HOPX: variants seen among roughly 807,000 people sequenced by gnomAD.
HOPX encodes the protein homeodomain-only protein.
HOPX carries 5 observed loss-of-function variants against 11.8 expected under a neutral mutation model. The ratio of observed to expected loss-of-function variants is 0.43; its 90% confidence interval spans 0.22 to 0.89. The LOEUF is 0.89. Among genes scored for constraint, HOPX ranks in the 40% least tolerant of loss-of-function variants. The pLI, the probability that HOPX is intolerant of heterozygous loss-of-function variation, is 0.28. For synonymous variants in HOPX, 49 were observed against 49.7 expected, an observed-to-expected ratio of 0.99 and a Z score of 0.06; for missense variants, 119 against 120.0, an observed-to-expected ratio of 0.99 and a Z score of 0.04.
intron 1 of HOPX, among the ~76,000 whole-genome samples, chr4:56,666,259 C>T (rs1020933365): frequency 2.6e-5 from 4 of 152,170 alleles, no homozygotes; most frequent in South Asian, 2.1e-4. Context: ...AAACAAGAAA[C>T]GTTACAGCAT....
chr4:56,671,715 C>T (rs946978414), intron 1 of HOPX, among the ~76,000 whole-genome samples: 3 of 152,046 alleles, frequency 2.0e-5, no homozygotes, highest in African/African-American at 7.3e-5. Context: ...GACAGATACA[C>T]CAGAATGTCC....
At position 56,656,329 on chromosome 4, in the gene HOPX, C is replaced by T. The variant is rs865796202; in HGVS notation, c.43-317G>A. 66 of 1,069,476 alleles carry T rather than the reference C, an allele frequency of 6.2e-5. No homozygotes were observed. In the African/African-American group the frequency reaches 1.0e-3, roughly 16 times the overall value. The allele number at this position is 1,069,476 out of a possible 1,614,324, so 66.2% of individuals were successfully genotyped here. ...GACGGGGGCGAGATAGATGATTCCGCGGGCCCTCACCGACCTCCGGCTCTA... is the reference window on the plus strand; with the variant it reads ...GACGGGGGCGAGATAGATGATTCCGTGGGCCCTCACCGACCTCCGGCTCTA... On this transcript the variant is annotated intron_variant, in intron 2 of 3. Coordinates refer to ENST00000420433, the MANE Select transcript of HOPX (RefSeq NM_032495.6).
chr4:56,670,946 G>A (rs1191858969), intron 1 of HOPX, among the ~76,000 whole-genome samples: 2 of 151,306 alleles, frequency 1.3e-5, no homozygotes, highest in South Asian at 2.1e-4. Flanking sequence ...GCAATGAGCC[G>A]AGATTGTGCC....
At chr4:56,664,907 C>T (rs1254539797) in intron 1 of HOPX, 6 of 152,128 alleles carry the variant, frequency 3.9e-5, no homozygotes, top group Non-Finnish European at 8.8e-5. Context: ...ATTGGTGAGT[C>T]ACTTTTTTGA....
intron 1 of HOPX, among the ~76,000 whole-genome samples, chr4:56,667,065 T>C (rs1175733030): frequency 1.3e-5 from 2 of 152,332 alleles, no homozygotes; most frequent in African/African-American, 4.8e-5. Flanking sequence ...CAAGGAACTG[T>C]TGAGGACTGT....
chr4:56,651,327 G>A (rs111602951), intron 3 of HOPX: 1,828 of 152,924 alleles, frequency 0.012, 21 homozygotes, highest in Non-Finnish European at 0.019. Context: ...TTGAAGATGC[G>A]TATTTTAAAT....
At chr4:56,665,704 A>G (rs951197872) in intron 1 of HOPX, 1 of 152,188 alleles carries the variant, frequency 6.6e-6, no homozygotes, top group Non-Finnish European at 1.5e-5. Context: ...TCACTTTATC[A>G]TCAGAGGAGC....
At chr4:56,650,965 G>A (rs564596319) in intron 3 of HOPX, 1 of 663,236 alleles carries the variant, frequency 1.5e-6, no homozygotes, top group Non-Finnish European at 2.4e-6. Context: ...TTTCATTAAT[G>A]AGGTAGCTCT....
chr4:56,673,266 G>A (rs1300709228), intron 1 of HOPX, among the ~76,000 whole-genome samples: 1 of 152,100 alleles, frequency 6.6e-6, no homozygotes, highest in African/African-American at 2.4e-5. Flanking sequence ...ATAGTGTTCA[G>A]TGAAAAGAAA....
intron 1 of HOPX, among the ~76,000 whole-genome samples, chr4:56,670,447 G>A (rs1578357111): frequency 6.6e-6 from 1 of 152,066 alleles, no homozygotes; most frequent in Middle Eastern, 3.2e-3. Context: ...ATAACAAAAG[G>A]ATCAACTTTC....
In HOPX at chr4:56,655,884, C is replaced by T. The variant is rs1372217431; in HGVS notation, c.171G>A (p.Glu57=). ...GGGTCTCCTCCTCGGAAAGGCCTGC[C>T]TCGGCCGCGATGAGGCACAGCGTGG... ...DSTTLCLIAA[E]AGLSEEETQK... is the part of the protein sequence containing the mutation. Residue 57 remains glutamate (E), a synonymous_variant, in exon 3 of 4, where the codon GAG becomes GAA. Transcript: ENST00000420433. 2.5e-6 allele frequency: 4 copies of T among 1,611,776 alleles called. No individual in the cohort carries two copies. Among genetic ancestry groups the T allele is most frequent in the Non-Finnish European group, 3.4e-6 (4 of 1,179,104 alleles).
intron 1 of HOPX, chr4:56,663,509 A>T (rs1213637568): frequency 6.6e-6 from 1 of 152,130 alleles, no homozygotes; most frequent in African/African-American, 2.4e-5. Context: ...GTTTTTAGAC[A>T]GAGTCTCGCA....
intron 1 of HOPX, chr4:56,663,201 A>T (rs76871011): frequency 6.6e-6 from 1 of 152,320 alleles, no homozygotes; most frequent in African/African-American, 2.4e-5. Context: ...AGGTACAAGC[A>T]GAACCACTTG....
At chr4:56,681,626 C>A, upstream of HOPX, 2 of 999,786 alleles carry the variant, frequency 2.0e-6, no homozygotes, top group Non-Finnish European at 2.4e-6. Context: ...GAAAAGGGAC[C>A]CTGAGTCTTC....
At chr4:56,655,189 A>G (rs983331611) in intron 3 of HOPX, among the ~76,000 whole-genome samples, 36 of 152,348 alleles carry the variant, frequency 2.4e-4, no homozygotes, top group African/African-American at 8.7e-4. Flanking sequence ...AAACGCCAGG[A>G]AAAACCTCTA....
intron 3 of HOPX, among the ~76,000 whole-genome samples, chr4:56,651,954 A>AG: frequency 6.6e-6 from 1 of 151,690 alleles, no homozygotes; most frequent in Middle Eastern, 3.4e-3. Context: ...CCAACCTCCC[A>AG]CGGGGCTGAG....
At chr4:56,653,487 T>C (rs1425792220) in intron 3 of HOPX, among the ~76,000 whole-genome samples, 3 of 152,120 alleles carry the variant, frequency 2.0e-5, no homozygotes, top group Non-Finnish European at 4.4e-5. Context: ...AATGGGAAAT[T>C]GAAAGATGAC....
intron 1 of HOPX, chr4:56,680,977 A>G (rs1719295492): frequency 1.0e-6 from 1 of 972,374 alleles, no homozygotes; most frequent in African/African-American, 1.8e-5. Flanking sequence ...GAAGCGAGTA[A>G]GAAAAACATC....
intron 3 of HOPX, among the ~76,000 whole-genome samples, chr4:56,655,563 C>G (rs7697969): frequency 0.49 from 74,785 of 151,990 alleles, 19,284 homozygotes; most frequent in African/African-American, 0.64. Context: ...GTATCCCGGG[C>G]TGCCGGGGAG....
Sources: gnomAD v4.1 joint callset for allele counts (sites outside exome capture counted in the v4.1 genomes callset) on GRCh38, gnomAD v4.1.1 for gene constraint, MANE v1.5 for transcripts, NCBI Gene and HGNC (gene_info 2026-07-23, HGNC 2026-07-21) for gene names.